DNAJC16: variants seen among roughly 807,000 people sequenced by gnomAD.
DNAJC16 encodes DnaJ heat shock protein family (Hsp40) member C16.
In DNAJC16, 76 loss-of-function variants were observed where a neutral mutation model predicts 92.7. The ratio of observed to expected loss-of-function variants is 0.82; its 90% CI spans 0.68 to 0.99. DNAJC16 has a LOEUF of 0.99. Among genes scored for constraint, DNAJC16 ranks in the 50% least tolerant of loss-of-function variants. The pLI, the probability that DNAJC16 is intolerant of heterozygous loss-of-function variation, is 0.00. For missense variants in DNAJC16, 869 were observed against 942.4 expected (o/e 0.92, Z 1.02); for synonymous variants, 328 against 358.7 (o/e 0.91, Z 0.97).
chr1:15,544,412 C>G lies in DNAJC16; in HGVS notation c.588C>G (p.Gly196=). The change falls in exon 5 of 15, where the codon GGC becomes GGG. Residue 196 remains glycine (G), a synonymous_variant. Transcript: ENST00000375847. ...QELEELGVGI[G]VVHAGYERRL... ...CATTCTTTTCAGGTGTAGGAATTGGCGTGGTCCATGCTGGGTATGAGAGAC... is the reference window on the plus strand; with the variant it reads ...CATTCTTTTCAGGTGTAGGAATTGGGGTGGTCCATGCTGGGTATGAGAGAC... 2 of 1,612,134 alleles carry G rather than the reference C, an allele frequency of 1.2e-6. No homozygotes were observed. Among genetic ancestry groups the G allele is most frequent in the East Asian group, 4.5e-5 (2 of 44,854 alleles).
chr1:15,567,809 C>T lies in DNAJC16; in HGVS notation c.1981C>T (p.Leu661=). Residue 661 remains leucine, a synonymous_variant, in exon 15 of 15, where the codon CTA becomes TTA. Transcript: ENST00000375847. Reference sequence around the variant, plus strand: ...CTGCCTACACTTCTCCTTCCTGAGTCTAGATAAACACAGAGAATGGCTAGA... The same window carrying T: ...CTGCCTACACTTCTCCTTCCTGAGTTTAGATAAACACAGAGAATGGCTAGA... ...SSCLHFSFLS[L]DKHREWLEYL... 1.9e-6 allele frequency: 3 copies of T among 1,614,074 alleles called. No homozygotes were observed. Among genetic ancestry groups the T allele is most frequent in the Non-Finnish European group, 1.7e-6 (2 of 1,179,986 alleles).
At chr1:15,544,111 A>G (rs1278057133) in intron 4 of DNAJC16, among the ~76,000 whole-genome samples, 2 of 140,766 alleles carry the variant, frequency 1.4e-5, no homozygotes, top group African/African-American at 2.7e-5. Context: ...ATTAAGTGAA[A>G]TAAGTATGAG....
intron 4 of DNAJC16, among the ~76,000 whole-genome samples, chr1:15,544,185 C>CACACACACACACACACACACACACACACA (rs995957267): frequency 1.4e-5 from 2 of 147,902 alleles, no homozygotes; most frequent in Non-Finnish European, 3.0e-5. Flanking sequence ...CACACACACA[C>CACACACACACACACACACACACACACACA]ATTTGTAACT....
Position 15,536,685 on chromosome 1 carries a change from T to G in DNAJC16, c.445T>G (p.Tyr149Asp), listed in dbSNP as rs1710797552. The change falls in exon 4 of 15, where the codon TAT becomes GAT. Residue 149 changes from tyrosine to aspartate, a missense_variant. Physicochemically the swap from Tyr to Asp is radical, Grantham distance 160. Transcript: ENST00000375847. ...DEKYLLHFSH[Y>D]VNEVVPDSFK... Reference sequence around the variant, plus strand: ...AAAGTATTTATTGCACTTTTCACATTATGTGAATGAAGTGGTTCCAGATAG... The same window carrying G: ...AAAGTATTTATTGCACTTTTCACATGATGTGAATGAAGTGGTTCCAGATAG... 2.5e-6 allele frequency: 4 copies of G among 1,614,192 alleles called. No homozygotes were observed. Among genetic ancestry groups the G allele is most frequent in the Non-Finnish European group, 3.4e-6 (4 of 1,180,034 alleles).
In DNAJC16 at chr1:15,543,365, G is replaced by A. The variant is rs76156647; in HGVS notation, c.575-1034G>A. 9.6e-3 allele frequency among the ~76,000 whole-genome samples: 1,456 copies of A among 152,360 alleles called. 23 individuals carry two copies. The highest frequency in any genetic ancestry group is 0.032 in the African/African-American group (1,336 of 41,576). ...AGAAGTCACGGAGATGCACACTTCA[G>A]GCTGAAGGAACAGCCAAGGCCCTGA... On this transcript the variant is annotated intron_variant, in intron 4 of 14. Coordinates refer to ENST00000375847, the MANE Select transcript of DNAJC16 (RefSeq NM_015291.4).
intron 4 of DNAJC16, among the ~76,000 whole-genome samples, 180 bp downstream of exon 4, chr1:15,536,994 G>A (rs1407602272): frequency 1.3e-5 from 2 of 151,984 alleles, no homozygotes; most frequent in Non-Finnish European, 2.9e-5. Context: ...GGGATTACAG[G>A]CACCCACCAT....
Position 15,529,198 on chromosome 1 carries a change from C to T in DNAJC16, c.93C>T (p.Tyr31=). The T allele has an allele frequency of 6.2e-7, 1 of 1,614,082 alleles. No homozygotes were observed. The highest frequency in any genetic ancestry group is 8.5e-7 in the Non-Finnish European group (1 of 1,179,968). ...TGTCTGCGTTGGATTTTGACCCATA[C>T]AGAGTCCTAGGGGTCAGCCGAACAG... ...QILSALDFDP[Y]RVLGVSRTAS... is the part of the protein sequence containing the mutation. The change falls in exon 2 of 15, where the codon TAC becomes TAT. Residue 31 remains tyrosine, a synonymous_variant. Coordinates refer to ENST00000375847, the MANE Select transcript of DNAJC16 (RefSeq NM_015291.4).
Position 15,568,099 on chromosome 1 carries a change from G to T in DNAJC16, c.2271G>T (p.Lys757Asn). 1 of 1,614,208 alleles carries T rather than the reference G, an allele frequency of 6.2e-7. No individual in the cohort carries two copies. Among genetic ancestry groups the T allele is most frequent in the Non-Finnish European group, 8.5e-7 (1 of 1,180,048 alleles). The change falls in exon 15 of 15, where the codon AAG (lysine) becomes AAT (asparagine). Residue 757 changes from lysine to asparagine, a missense_variant. Coordinates refer to ENST00000375847, the MANE Select transcript of DNAJC16 (RefSeq NM_015291.4). ...GSRPIKGKLS[K>N]LSLWMERLLE... is the part of the protein sequence containing the mutation. ...GGCCCATCAAAGGAAAGTTGAGCAA[G>T]CTCTCTTTATGGATGGAACGCCTGC...
rs774438587 is a variant in DNAJC16 at position 15,559,642 on chromosome 1, G to T, written c.1140G>T (p.Ser380=). 6 of 1,613,816 alleles carry T rather than the reference G, an allele frequency of 3.7e-6. No individual in the cohort carries two copies. The highest frequency in any genetic ancestry group is 8.5e-7 in the Non-Finnish European group (1 of 1,179,936). ...ATGAACTCTGCCCTGTGAAACGGTC[G>T]CATCGACAGAGGAAGTAAGGACTTA... ...LFHELCPVKR[S]HRQRKYCVVL... Residue 380 remains serine (S), a synonymous_variant, in exon 8 of 15, where the codon TCG becomes TCT. Transcript: ENST00000375847.
rs978970114 is a variant in DNAJC16, at chr1:15,549,157, G to T, written c.1023+729G>T. Among the ~76,000 whole-genome samples, 4 of 152,146 alleles carry T rather than the reference G, an allele frequency of 2.6e-5. No homozygotes were observed. In the East Asian group the frequency reaches 5.8e-4, roughly 22 times the overall value. ...TCAGGTGTCCTGTGAACACAGAAGG[G>T]TACCTGAAACCATGGAAACCAGATG... On this transcript the variant is annotated intron_variant, in intron 7 of 14. Transcript: ENST00000375847.
At chr1:15,535,709 G>C (rs1710762711) in intron 3 of DNAJC16, among the ~76,000 whole-genome samples, 1 of 152,066 alleles carries the variant, frequency 6.6e-6, no homozygotes, top group African/African-American at 2.4e-5. Flanking sequence ...CAGCCTGGGT[G>C]ACAGAGTGAG....
chr1:15,564,682 C>T (rs1570931290), intron 11 of DNAJC16, among the ~76,000 whole-genome samples: 1 of 151,796 alleles, frequency 6.6e-6, no homozygotes, highest in Admixed American at 6.6e-5. Flanking sequence ...GCACCTGTCA[C>T]CATGCCTGGC....
At chr1:15,564,142 C>A in intron 10 of DNAJC16, 31 bp downstream of exon 10, 1 of 1,611,856 alleles carries the variant, frequency 6.2e-7, no homozygotes, top group Non-Finnish European at 8.5e-7. Flanking sequence ...GGGTGGGACA[C>A]CAGGAGGGCT....
intron 7 of DNAJC16, among the ~76,000 whole-genome samples, chr1:15,553,674 C>T (rs1326297731): frequency 1.3e-5 from 2 of 152,194 alleles, no homozygotes; most frequent in Non-Finnish European, 2.9e-5. Flanking sequence ...TTCACTTGAT[C>T]AAGAAACAAA....
At chr1:15,559,705 A>G (rs1638650343) in intron 8 of DNAJC16, 49 bp downstream of exon 8, 3 of 1,599,628 alleles carry the variant, frequency 1.9e-6, no homozygotes, top group Admixed American at 3.5e-5. Context: ...TAGAAGGATC[A>G]TGATTCATTT....
intron 7 of DNAJC16, 45 bp downstream of exon 7, chr1:15,548,473 C>T: frequency 6.5e-7 from 1 of 1,531,170 alleles, no homozygotes; most frequent in Admixed American, 1.9e-5. Context: ...ACATTTTATC[C>T]CAAGATTTTA....
At chr1:15,538,193 G>A (rs1004768441) in intron 4 of DNAJC16, among the ~76,000 whole-genome samples, 1 of 151,756 alleles carries the variant, frequency 6.6e-6, no homozygotes, top group Admixed American at 6.6e-5. Context: ...TCAGGAGTTC[G>A]AGACCAGCCT....
intron 11 of DNAJC16, 87 bp downstream of exon 11, chr1:15,564,446 A>T: frequency 1.1e-6 from 1 of 917,078 alleles, no homozygotes; most frequent in Non-Finnish European, 1.8e-6. Context: ...TCATTATTAA[A>T]TTTCAAGGTA....
At chr1:15,544,151 T>TACACAC (rs148744006) in intron 4 of DNAJC16, among the ~76,000 whole-genome samples, 1,499 of 137,268 alleles carry the variant, frequency 0.011, 38 homozygotes, top group Middle Eastern at 0.015. Context: ...TGTATATGCA[T>TACACAC]ACACACACAC....
Sources: allele counts gnomAD v4.1 joint callset (sites outside exome capture counted in the v4.1 genomes callset), GRCh38; gene constraint gnomAD v4.1.1; transcripts MANE v1.5; gene names NCBI Gene and HGNC (gene_info 2026-07-23, HGNC 2026-07-21).